Variants in SMARCC1 observed in about 807,000 individuals in gnomAD.
SMARCC1 encodes SWI/SNF complex subunit SMARCC1.
SMARCC1 carries 43 observed loss-of-function variants against 147.4 expected under a neutral mutation model. The ratio of observed to expected loss-of-function variants is 0.29; its 90% confidence interval spans 0.23 to 0.38. SMARCC1 has a LOEUF of 0.38. Among genes scored for constraint, SMARCC1 ranks in the 10% least tolerant of loss-of-function variants. The probability of loss-of-function intolerance (pLI) is 1.00; values close to 1 mark genes in which losing one functional copy is unlikely to be tolerated. For synonymous variants in SMARCC1, 495 were observed against 484.4 expected (o/e 1.02, Z -0.29); for missense variants, 1,119 against 1,381.1 (o/e 0.81, Z 3.01).
chr3:47,716,434 A>C (rs998357330), intron 7 of SMARCC1, among the ~76,000 whole-genome samples: 4 of 151,338 alleles, frequency 2.6e-5, no homozygotes, highest in Non-Finnish European at 2.9e-5. Context: ...AAAAAAAAAA[A>C]AAAAACCCAA....
At chr3:47,669,677 A>G (rs2033470938) in intron 19 of SMARCC1, among the ~76,000 whole-genome samples, 1 of 152,232 alleles carries the variant, frequency 6.6e-6, no homozygotes, top group Non-Finnish European at 1.5e-5. Context: ...TTTTGATCAC[A>G]ACAGAGAAAG....
chr3:47,615,251 C>T lies in SMARCC1; in HGVS notation c.2782-4924G>A, dbSNP rs190968001. Among the ~76,000 whole-genome samples the T allele has an allele frequency of 2.3e-3, 357 of 152,332 alleles. 1 individual carries two copies. Among genetic ancestry groups the T allele is most frequent in the Non-Finnish European group, 3.6e-3 (247 of 68,034 alleles). ...ATGGTTTCTAATTATTTGAAATCCA[C>T]CAAGGCAGAGATCTTTGTTGGGTTT... On this transcript the variant is annotated intron_variant, in intron 25 of 27. Coordinates refer to ENST00000254480, the MANE Select transcript of SMARCC1 (RefSeq NM_003074.4).
intron 14 of SMARCC1, among the ~76,000 whole-genome samples, 191 bp downstream of exon 14, chr3:47,685,858 A>T (rs1259389487): frequency 2.0e-5 from 3 of 152,132 alleles, no homozygotes; most frequent in Non-Finnish European, 4.4e-5. Flanking sequence ...CTCTGTCTCA[A>T]CAACAACAAA....
rs562390277 is a variant in SMARCC1, at chr3:47,735,512, G to A, written c.576+522C>T. Among the ~76,000 whole-genome samples, 3 of 152,200 alleles carry A rather than the reference G, an allele frequency of 2.0e-5. 1 individual carries two copies. Among genetic ancestry groups the A allele is most frequent in the Admixed American group, 6.5e-5 (1 of 15,270 alleles). On this transcript the variant is annotated intron_variant, in intron 5 of 27. Coordinates refer to ENST00000254480, the MANE Select transcript of SMARCC1 (RefSeq NM_003074.4). The stretch of plus-strand genomic sequence containing the variant: ...TGGCCGGGCACAGTGGCTCATGCCT[G>A]TAATCCCAGCACTTTGGGAGGCTGA...
At chr3:47,759,861 C>T (rs1319223187) in intron 2 of SMARCC1, among the ~76,000 whole-genome samples, 11 of 151,740 alleles carry the variant, frequency 7.2e-5, no homozygotes, top group Non-Finnish European at 4.4e-5. Flanking sequence ...CGCTTGAACT[C>T]GGGAGGCTGA....
intron 1 of SMARCC1, 125 bp downstream of exon 1, chr3:47,781,478 G>A (rs1366586619): frequency 2.4e-5 from 14 of 582,708 alleles, no homozygotes; most frequent in Non-Finnish European, 3.3e-5. Flanking sequence ...TGGCGGGCCC[G>A]GCGCCTGCCT....
At chr3:47,659,282 T>TAAAAAAA (rs541415627) in intron 21 of SMARCC1, among the ~76,000 whole-genome samples, 1 of 123,302 alleles carries the variant, frequency 8.1e-6, no homozygotes, top group African/African-American at 3.0e-5. Context: ...AAATAAAAAA[T>TAAAAAAA]AAAAAAAAAA....
At chr3:47,696,321 C>T (rs1411493629) in intron 11 of SMARCC1, among the ~76,000 whole-genome samples, 1 of 151,920 alleles carries the variant, frequency 6.6e-6, no homozygotes, top group African/African-American at 2.4e-5. Context: ...TTGCAGTGAG[C>T]TGAGATTGCA....
At chr3:47,754,489 C>T (rs116650683) in intron 2 of SMARCC1, among the ~76,000 whole-genome samples, 3 of 152,206 alleles carry the variant, frequency 2.0e-5, no homozygotes, top group Admixed American at 6.6e-5. Flanking sequence ...GTGTGAGCCA[C>T]GGCTCCTGGC....
At chr3:47,633,450 T>C (rs778001021) in intron 24 of SMARCC1, among the ~76,000 whole-genome samples, 76 of 151,894 alleles carry the variant, frequency 5.0e-4, no homozygotes, top group Non-Finnish European at 4.3e-4. Context: ...GCTCCTCATT[T>C]ATAATGCGAG....
At chr3:47,701,471 G>C in intron 10 of SMARCC1, 69 bp from the exon 11 acceptor site, 2 of 1,365,876 alleles carry the variant, frequency 1.5e-6, no homozygotes, top group Admixed American at 1.8e-5. Flanking sequence ...CAGTTTCTGA[G>C]GTTGTACACC....
intron 11 of SMARCC1, among the ~76,000 whole-genome samples, chr3:47,696,612 G>A (rs527880507): frequency 6.6e-6 from 1 of 150,630 alleles, no homozygotes; most frequent in Admixed American, 6.6e-5. Context: ...TCTGCCTCCC[G>A]AGTTCAAGTG....
chr3:47,661,146 GA>G (rs2033340516), intron 21 of SMARCC1, 147 bp downstream of exon 21: 6 of 580,966 alleles, frequency 1.0e-5, no homozygotes, highest in Admixed American at 3.1e-5. Flanking sequence ...ACAGACAAGA[GA>G]AAAAAAATCA....
At chr3:47,659,287 A>AAAAG (rs1407284070) in intron 21 of SMARCC1, among the ~76,000 whole-genome samples, 97 of 151,028 alleles carry the variant, frequency 6.4e-4, no homozygotes, top group African/African-American at 2.2e-3. Context: ...AAAAATAAAA[A>AAAAG]AAAAAGAAAA....
At chr3:47,677,233 G>C (rs2033585637) in intron 16 of SMARCC1, among the ~76,000 whole-genome samples, 2 of 151,224 alleles carry the variant, frequency 1.3e-5, no homozygotes, top group Non-Finnish European at 3.0e-5. Context: ...CCAAGTAGCT[G>C]GGATTACAGG....
chr3:47,620,109 G>A (rs1444394443), intron 25 of SMARCC1, among the ~76,000 whole-genome samples: 1 of 152,160 alleles, frequency 6.6e-6, no homozygotes, highest in Non-Finnish European at 1.5e-5. Context: ...CTAACTAAAT[G>A]CTCAAATTTA....
At chr3:47,636,788 ATGTGTGTGTGTGTGTGTGTG>A (rs35445330) in intron 22 of SMARCC1, among the ~76,000 whole-genome samples, 8 of 80,624 alleles carry the variant, frequency 9.9e-5, no homozygotes, top group South Asian at 3.6e-4. Flanking sequence ...AAATATATAT[ATGTGTGTGTGTGTGTGTGTG>A]TGTGTGTGTG....
intron 26 of SMARCC1, among the ~76,000 whole-genome samples, chr3:47,608,744 G>C (rs2032517893): frequency 6.6e-6 from 1 of 151,712 alleles, no homozygotes; most frequent in South Asian, 2.1e-4. Context: ...AGCTACACAG[G>C]AGGCTGAGAT....
intron 19 of SMARCC1, among the ~76,000 whole-genome samples, chr3:47,666,255 A>C (rs1339083325): frequency 6.6e-6 from 1 of 152,164 alleles, no homozygotes; most frequent in African/African-American, 2.4e-5. Context: ...CCATTCCCAG[A>C]AGCCTGTTCA....
Sources: gnomAD v4.1 joint callset for allele counts (sites outside exome capture counted in the v4.1 genomes callset) on GRCh38, gnomAD v4.1.1 for gene constraint, MANE v1.5 for transcripts, NCBI Gene and HGNC (gene_info 2026-07-23, HGNC 2026-07-21) for gene names.